MYO7A: variants seen among roughly 807,000 people sequenced by gnomAD.
MYO7A encodes the protein unconventional myosin-VIIa.
Under a neutral mutation model 263.8 loss-of-function variants are expected in MYO7A, and 210 were observed. The ratio of observed to expected loss-of-function variants is 0.80; its 90% CI spans 0.71 to 0.89. The LOEUF is 0.89. Among genes scored for constraint, MYO7A ranks in the 40% least tolerant of loss-of-function variants. The pLI is 0.00. For synonymous variants in MYO7A, 1,239 were observed against 1,197.3 expected, an observed-to-expected ratio of 1.03 and a Z score of -0.72; for missense variants, 2,820 against 2,968.3, an observed-to-expected ratio of 0.95 and a Z score of 1.16.
intron 48 of MYO7A, among the ~76,000 whole-genome samples, 194 bp from the exon 49 acceptor site, chr11:77,214,413 A>G (rs1958036365): frequency 6.6e-6 from 1 of 152,208 alleles, no homozygotes; most frequent in Admixed American, 6.5e-5. Flanking sequence ...GGGTCATAAC[A>G]GTGTAGAACC....
At chr11:77,198,644 GCAGA>G (rs773270778) in intron 34 of MYO7A, 23 bp downstream of exon 34, 74 of 1,613,018 alleles carry the variant, frequency 4.6e-5, no homozygotes, top group Non-Finnish European at 5.8e-5. Context: ...GCATGGAGAT[GCAGA>G]CAGACAGAGG....
At chr11:77,201,088 G>A (rs1044277110) in intron 35 of MYO7A, among the ~76,000 whole-genome samples, 4 of 152,240 alleles carry the variant, frequency 2.6e-5, no homozygotes, top group Admixed American at 1.3e-4. Context: ...AGAGCTAAGC[G>A]TGATGCCAGC....
chr11:77,132,443 A>G (rs1386430231), intron 2 of MYO7A, among the ~76,000 whole-genome samples: 4 of 151,958 alleles, frequency 2.6e-5, no homozygotes, highest in South Asian at 2.1e-4. Context: ...TAGCTTCACA[A>G]TGGCAGCTGT....
At chr11:77,137,275 A>G (rs1274456611) in intron 2 of MYO7A, among the ~76,000 whole-genome samples, 2 of 152,094 alleles carry the variant, frequency 1.3e-5, no homozygotes, top group African/African-American at 4.8e-5. Context: ...GTGGGGTAGA[A>G]CTGGGCCCAT....
At chr11:77,174,267 G>A (rs980376163) in intron 16 of MYO7A, among the ~76,000 whole-genome samples, 2 of 151,876 alleles carry the variant, frequency 1.3e-5, no homozygotes, top group East Asian at 1.9e-4. Flanking sequence ...CTGAATAACC[G>A]CAGATCTACA....
chr11:77,146,650 A>G (rs1181838101), intron 3 of MYO7A, among the ~76,000 whole-genome samples: 2 of 152,052 alleles, frequency 1.3e-5, no homozygotes, highest in African/African-American at 4.8e-5. Context: ...GAGGAGGAGC[A>G]GGTGGGGGAG....
intron 3 of MYO7A, among the ~76,000 whole-genome samples, chr11:77,146,689 G>A (rs146266308): frequency 8.7e-4 from 133 of 152,240 alleles, no homozygotes; most frequent in Non-Finnish European, 1.5e-3. Context: ...CATCTGCTCA[G>A]CGAGTCTCAG....
chr11:77,186,928 G>A (rs1004170375), intron 27 of MYO7A, among the ~76,000 whole-genome samples: 2 of 152,142 alleles, frequency 1.3e-5, no homozygotes, highest in Admixed American at 6.5e-5. Flanking sequence ...AAAAATGTGC[G>A]ACGCTTCCTT....
rs745704600 is a variant in MYO7A, at chr11:77,204,127, A to G, written c.5378A>G (p.Asn1793Ser). 5.0e-6 allele frequency: 8 copies of G among 1,600,166 alleles called. No homozygotes were observed. The highest frequency in any genetic ancestry group is 6.8e-6 in the Non-Finnish European group (8 of 1,173,742). ...CCGTCCAAGAGGACACGCTCCGTCA[A>G]CGAGCTCACCGACCAGATCTTTGAG... ...DYPSKRTRSVNELTDQIFEGP... is the reference protein window; with the variant it reads ...DYPSKRTRSVSELTDQIFEGP... Residue 1793 changes from asparagine (N) to serine (S), a missense_variant, in exon 39 of 49, where the codon AAC (asparagine) becomes AGC (serine). Physicochemically the swap from Asn to Ser is conservative, Grantham distance 46 (BLOSUM62 1). Transcript: ENST00000409709.
chr11:77,212,898 A>G (rs1202380590), intron 46 of MYO7A, 54 bp from the exon 47 acceptor site: 6 of 1,381,588 alleles, frequency 4.3e-6, no homozygotes, highest in Middle Eastern at 1.8e-4. Flanking sequence ...CCTGTCCCCA[A>G]ATGCTTTTCT....
rs782209842 is a variant in MYO7A at position 77,177,575 on chromosome 11, G to A, written c.2214G>A (p.Val738=). ...ACCACCATGACATGCTGCTGGAAGT[G>A]GAGCGGGACAAAGCCATCACCGACA... The part of the protein sequence containing the change: ...LKDHHDMLLE[V]ERDKAITDRV... The change falls in exon 19 of 49, where the codon GTG becomes GTA. Residue 738 remains valine (V), a synonymous_variant. Transcript: ENST00000409709. The A allele has an allele frequency of 4.3e-6, 7 of 1,611,984 alleles. No homozygotes were observed. The highest frequency in any genetic ancestry group is 5.9e-6 in the Non-Finnish European group (7 of 1,179,366).
At position 77,207,365 on chromosome 11, in the gene MYO7A, C is replaced by T; in HGVS notation, c.5819C>T (p.Ser1940Leu). 1 of 1,611,714 alleles carries T rather than the reference C, an allele frequency of 6.2e-7. No homozygotes were observed. The highest frequency in any genetic ancestry group is 8.5e-7 in the Non-Finnish European group (1 of 1,178,968). Residue 1940 changes from serine (S) to leucine (L), a missense_variant, in exon 42 of 49, where the codon TCA becomes TTA. Physicochemically the swap from Ser to Leu is moderately radical, Grantham distance 145 (BLOSUM62 -2). Transcript: ENST00000409709. Reference sequence around the variant, plus strand: ...GCCACCAGGCTGCTCCTCAAGTCCTCAGAGGGATTCAGCCTCTTTGTCAAA... The same window carrying T: ...GCCACCAGGCTGCTCCTCAAGTCCTTAGAGGGATTCAGCCTCTTTGTCAAA... ...NIATRLLLKSSEGFSLFVKIA... is the reference protein window; with the variant it reads ...NIATRLLLKSLEGFSLFVKIA...
At chr11:77,208,053 G>A (rs182027556) in intron 42 of MYO7A, among the ~76,000 whole-genome samples, 2 of 152,320 alleles carry the variant, frequency 1.3e-5, no homozygotes, top group East Asian at 1.9e-4. Flanking sequence ...TGTGCCAGAC[G>A]CTGGGACCCA....
chr11:77,206,240 A>AAGCCCGGCCCTGTC, intron 41 of MYO7A, 38 bp downstream of exon 41: 1 of 1,525,338 alleles, frequency 6.6e-7, no homozygotes, highest in Non-Finnish European at 9.0e-7. Flanking sequence ...AGTGCCCAGG[A>AAGCCCGGCCCTGTC]CAGGGCCGGG....
At chr11:77,140,112 T>C (rs1555049725) in intron 2 of MYO7A, among the ~76,000 whole-genome samples, 1 of 152,210 alleles carries the variant, frequency 6.6e-6, no homozygotes, top group Non-Finnish European at 1.5e-5. Flanking sequence ...AATCTCCATT[T>C]CCTGCTCACA....
In MYO7A at chr11:77,165,000, G is replaced by T. The variant is rs782061652; in HGVS notation, c.1691-1056G>T. ...ATTTATGAAGTGGGTGGTATTAGGT[G>T]TTCTGAAGAGAAGCAAGCTTGTAGG... On this transcript the variant is annotated intron_variant, in intron 14 of 48. Transcript: ENST00000409709. 3.3e-5 allele frequency among the ~76,000 whole-genome samples: 5 copies of T among 152,230 alleles called. No individual in the cohort carries two copies. The South Asian group carries it at 1.0e-3, about 31-fold the overall frequency.
intron 12 of MYO7A, 110 bp downstream of exon 12, chr11:77,161,225 C>G (rs1273716896): frequency 6.6e-6 from 9 of 1,357,002 alleles, no homozygotes; most frequent in African/African-American, 1.4e-5. Context: ...CACACTCTGC[C>G]AGGCTGTTCC....
intron 7 of MYO7A, 64 bp downstream of exon 7, chr11:77,157,068 C>T (rs546553804): frequency 6.4e-7 from 1 of 1,571,310 alleles, no homozygotes; most frequent in South Asian, 1.2e-5. Context: ...GTCTGCGTGG[C>T]CCACCTGCCC....
rs782566244 is a variant in MYO7A at position 77,182,412 on chromosome 11, G to T, written c.3109-12G>T. On this transcript the variant is annotated splice_polypyrimidine_tract_variant and intron_variant, in intron 24 of 48. Transcript: ENST00000409709. ...CTCCGCTCTGGCCTCTGACATGCGCGCTCTGCCCCAGGCAGCCCTGGCGGT... is the reference window on the plus strand; with the variant it reads ...CTCCGCTCTGGCCTCTGACATGCGCTCTCTGCCCCAGGCAGCCCTGGCGGT... 2.9e-5 allele frequency: 46 copies of T among 1,608,312 alleles called. No individual in the cohort carries two copies. The highest frequency in any genetic ancestry group is 3.6e-5 in the Non-Finnish European group (42 of 1,177,322).
Sources: allele counts gnomAD v4.1 joint callset (sites outside exome capture counted in the v4.1 genomes callset), GRCh38; gene constraint gnomAD v4.1.1; transcripts MANE v1.5; gene names NCBI Gene and HGNC (gene_info 2026-07-23, HGNC 2026-07-21).